Variants in CAMKMT observed in about 807,000 individuals in gnomAD.
CAMKMT encodes calmodulin-lysine N-methyltransferase.
Under a neutral mutation model 48.0 loss-of-function variants are expected in CAMKMT, and 53 were observed. The ratio of observed to expected loss-of-function variants is 1.10; its 90% confidence interval spans 0.89 to 1.39. The LOEUF (loss-of-function observed/expected upper bound fraction) is 1.39. Ranked by LOEUF, CAMKMT falls within the 40% of genes most tolerant of loss-of-function variation. The pLI is 0.00. For synonymous variants in CAMKMT, 165 were observed against 152.3 expected (o/e 1.08, Z -0.61); for missense variants, 428 against 402.7 (o/e 1.06, Z -0.54).
At chr2:44,586,926 C>T (rs777610598) in intron 3 of CAMKMT, among the ~76,000 whole-genome samples, 69 of 152,002 alleles carry the variant, frequency 4.5e-4, no homozygotes, top group Middle Eastern at 3.4e-3. Flanking sequence ...ACATTGCCAG[C>T]AGCAGCATGG....
chr2:44,711,297 T>A (rs111572650), intron 6 of CAMKMT, among the ~76,000 whole-genome samples: 9 of 152,314 alleles, frequency 5.9e-5, no homozygotes, highest in Admixed American at 5.9e-4. Flanking sequence ...CCAATATTAA[T>A]GGCATGTCAT....
intron 1 of CAMKMT, among the ~76,000 whole-genome samples, chr2:44,366,931 C>T (rs1216480227): frequency 2.0e-5 from 3 of 151,990 alleles, no homozygotes; most frequent in Admixed American, 6.6e-5. Flanking sequence ...TGCCATGTTG[C>T]CCAGGCAGGT....
At chr2:44,550,900 C>T (rs190025276) in intron 3 of CAMKMT, 4 of 152,104 alleles carry the variant, frequency 2.6e-5, no homozygotes, top group African/African-American at 7.2e-5. Flanking sequence ...TAGAGACTGC[C>T]GAGAATGGGG....
At chr2:44,507,159 G>C (rs1670304520) in intron 3 of CAMKMT, among the ~76,000 whole-genome samples, 1 of 151,904 alleles carries the variant, frequency 6.6e-6, no homozygotes, top group South Asian at 2.1e-4. Context: ...TTATTAATGA[G>C]CTTAACTTTG....
intron 9 of CAMKMT, among the ~76,000 whole-genome samples, chr2:44,758,650 C>T (rs1459464064): frequency 1.3e-5 from 2 of 152,146 alleles, no homozygotes; most frequent in Non-Finnish European, 2.9e-5. Flanking sequence ...AGCAATGTCC[C>T]CCTCAACCCC....
chr2:44,406,694 C>G (rs758268754), intron 3 of CAMKMT, among the ~76,000 whole-genome samples: 28 of 152,070 alleles, frequency 1.8e-4, no homozygotes, highest in South Asian at 6.2e-4. Context: ...CTTCCTGGAC[C>G]CAGGTGATCC....
At chr2:44,702,571 A>G (rs1166392574) in intron 3 of CAMKMT, among the ~76,000 whole-genome samples, 1 of 152,172 alleles carries the variant, frequency 6.6e-6, no homozygotes, top group Non-Finnish European at 1.5e-5. Context: ...AACCTGTCCA[A>G]GGTCACTCCA....
At chr2:44,508,727 T>C (rs940551814) in intron 3 of CAMKMT, among the ~76,000 whole-genome samples, 1 of 152,166 alleles carries the variant, frequency 6.6e-6, no homozygotes, top group African/African-American at 2.4e-5. Context: ...GTAATCTGGT[T>C]AGGATATCCT....
intron 3 of CAMKMT, among the ~76,000 whole-genome samples, chr2:44,409,079 CGA>C (rs1479808189): frequency 9.8e-5 from 13 of 132,744 alleles, no homozygotes; most frequent in African/African-American, 4.0e-4. Context: ...TTATTTCAGC[CGA>C]TATATATATA....
chr2:44,604,755 G>C (rs1671192247), intron 3 of CAMKMT, among the ~76,000 whole-genome samples: 1 of 151,962 alleles, frequency 6.6e-6, no homozygotes, highest in South Asian at 2.1e-4. Flanking sequence ...TGCTGAGGGT[G>C]CTTATACTAA....
intron 3 of CAMKMT, among the ~76,000 whole-genome samples, chr2:44,519,419 A>G (rs1468443649): frequency 1.3e-5 from 2 of 152,220 alleles, no homozygotes; most frequent in African/African-American, 2.4e-5. Context: ...TTGAACCTGT[A>G]TAATTTTCAT....
intron 7 of CAMKMT, among the ~76,000 whole-genome samples, chr2:44,722,340 A>C (rs1678516289): frequency 6.6e-6 from 1 of 152,134 alleles, no homozygotes; most frequent in African/African-American, 2.4e-5. Flanking sequence ...GAACCACTTT[A>C]AGTTTTCTAC....
At chr2:44,431,041 A>G (rs1249201578) in intron 3 of CAMKMT, among the ~76,000 whole-genome samples, 1 of 152,202 alleles carries the variant, frequency 6.6e-6, no homozygotes. Context: ...AATCATACAT[A>G]ATTCTCTTAC....
At chr2:44,708,742 C>T (rs1677706952) in intron 6 of CAMKMT, among the ~76,000 whole-genome samples, 1 of 148,630 alleles carries the variant, frequency 6.7e-6, no homozygotes, top group African/African-American at 2.4e-5. Context: ...TTTCACTGTG[C>T]TCCTCCTCCT....
In CAMKMT at chr2:44,717,124, G is replaced by C. The variant is rs1275157271; in HGVS notation, c.623+1771G>C. On this transcript the variant is annotated intron_variant, in intron 7 of 10. Coordinates refer to ENST00000378494, the MANE Select transcript of CAMKMT (RefSeq NM_024766.5). Reference sequence around the variant, plus strand: ...ACCAAATGCTTAATACATGGCCTTTGTTTCTATTTTTCTGTTCTCAAAAAT... The same window carrying C: ...ACCAAATGCTTAATACATGGCCTTTCTTTCTATTTTTCTGTTCTCAAAAAT... Among the ~76,000 whole-genome samples, 7 of 151,956 alleles carry C rather than the reference G, an allele frequency of 4.6e-5. No individual in the cohort carries two copies. In the East Asian group the frequency reaches 1.4e-3, roughly 29 times the overall value.
intron 3 of CAMKMT, among the ~76,000 whole-genome samples, chr2:44,457,952 C>T (rs984838834): frequency 6.6e-6 from 1 of 150,894 alleles, no homozygotes; most frequent in Non-Finnish European, 1.5e-5. Flanking sequence ...ACAGCCTGCA[C>T]ATTAGTGTAA....
chr2:44,512,098 T>C (rs925526148), intron 3 of CAMKMT, among the ~76,000 whole-genome samples: 3 of 152,198 alleles, frequency 2.0e-5, no homozygotes, highest in Non-Finnish European at 4.4e-5. Context: ...CCATGACACT[T>C]GTAGTCACTG....
At chr2:44,652,880 G>C (rs111449849) in intron 3 of CAMKMT, among the ~76,000 whole-genome samples, 1 of 152,192 alleles carries the variant, frequency 6.6e-6, no homozygotes, top group Non-Finnish European at 1.5e-5. Flanking sequence ...TTCAGAGACC[G>C]AGCATCTAAA....
intron 3 of CAMKMT, among the ~76,000 whole-genome samples, chr2:44,519,605 G>C (rs542962111): frequency 5.3e-5 from 8 of 152,238 alleles, no homozygotes; most frequent in Admixed American, 3.9e-4. Flanking sequence ...CTATCAGAAA[G>C]ACTTCAGAAA....
Sources: allele counts gnomAD v4.1 joint callset (sites outside exome capture counted in the v4.1 genomes callset), GRCh38; gene constraint gnomAD v4.1.1; transcripts MANE v1.5; gene names NCBI Gene and HGNC (gene_info 2026-07-23, HGNC 2026-07-21).